Variants in PLAC1 observed in about 807,000 individuals in gnomAD.
The protein encoded by PLAC1 is placenta associated 1, also known as placenta-specific protein 1.
For missense variants in PLAC1, 136 were observed against 163.2 expected (o/e 0.83, Z 0.91); for synonymous variants, 68 against 62.1 (o/e 1.09, Z -0.44).
At chrX:134,605,273 C>T (rs988025162) in intron 1 of PLAC1, among the ~76,000 whole-genome samples, 108 of 111,579 alleles carry the variant, frequency 9.7e-4, no homozygotes, top group African/African-American at 3.3e-3. Flanking sequence ...GTTTCCACAC[C>T]GGTATTTTCA....
chrX:134,620,349 C>T (rs1193372161), intron 1 of PLAC1, among the ~76,000 whole-genome samples: 1 of 112,124 alleles, frequency 8.9e-6, no homozygotes, highest in Admixed American at 9.4e-5. Flanking sequence ...AACACCATTT[C>T]CCCCTGGCCT....
At chrX:134,692,153 G>T (rs987043067) in intron 2 of PLAC1, among the ~76,000 whole-genome samples, 17 of 111,683 alleles carry the variant, frequency 1.5e-4, no homozygotes, top group Admixed American at 1.5e-3. Context: ...GGTGTAATAG[G>T]CTCTTTCCAT....
chrX:134,597,679 G>T (rs2078068470), intron 2 of PLAC1, among the ~76,000 whole-genome samples: 1 of 111,903 alleles, frequency 8.9e-6, no homozygotes, highest in African/African-American at 3.2e-5. Flanking sequence ...TGCCAAATTG[G>T]GGTAGAAGTT....
chrX:134,669,572 C>G (rs1279869142), intron 2 of PLAC1, among the ~76,000 whole-genome samples: 1 of 112,207 alleles, frequency 8.9e-6, no homozygotes, highest in Admixed American at 9.4e-5. Flanking sequence ...AGACGGAATA[C>G]AGGAAGGCTT....
chrX:134,619,028 A>G (rs1312217972), intron 1 of PLAC1, among the ~76,000 whole-genome samples: 6 of 112,480 alleles, frequency 5.3e-5, no homozygotes, highest in Non-Finnish European at 1.1e-4. Context: ...ACTATGTCCC[A>G]TGGGTACCTA....
chrX:134,638,177 C>T (rs972788252), intron 1 of PLAC1, among the ~76,000 whole-genome samples: 1 of 112,177 alleles, frequency 8.9e-6, no homozygotes, highest in Admixed American at 9.5e-5. Flanking sequence ...GAGCAGTAGC[C>T]GTGTCATTGA....
intron 2 of PLAC1, among the ~76,000 whole-genome samples, chrX:134,691,527 G>A (rs999628325): frequency 1.6e-4 from 18 of 111,559 alleles, no homozygotes; most frequent in Non-Finnish European, 3.0e-4. Flanking sequence ...GGCATCAGAC[G>A]TGGCTGAGGC....
intron 2 of PLAC1, among the ~76,000 whole-genome samples, chrX:134,583,204 T>C (rs2077982778): frequency 9.1e-6 from 1 of 109,359 alleles, no homozygotes; most frequent in African/African-American, 3.3e-5. Context: ...CTCTCTCTTT[T>C]TAAAATGTCT....
At chrX:134,737,858 C>T (rs1442846022) in intron 1 of PLAC1, among the ~76,000 whole-genome samples, 1 of 112,441 alleles carries the variant, frequency 8.9e-6, no homozygotes, top group Non-Finnish European at 1.9e-5. Context: ...AGAGTTAATT[C>T]GCTGAAGGCA....
intron 2 of PLAC1, among the ~76,000 whole-genome samples, chrX:134,583,413 C>A (rs1410431903): frequency 1.3e-5 from 1 of 75,927 alleles, no homozygotes; most frequent in African/African-American, 4.9e-5. Flanking sequence ...TTTTGGCTTA[C>A]GTCTAAACCA....
chrX:134,669,309 G>A (rs776885932), intron 2 of PLAC1, among the ~76,000 whole-genome samples: 2 of 112,025 alleles, frequency 1.8e-5, no homozygotes, highest in South Asian at 7.5e-4. Context: ...AGAAAGCTTG[G>A]GTTCAAATCC....
intron 1 of PLAC1, among the ~76,000 whole-genome samples, chrX:134,612,208 C>T (rs1251538939): frequency 8.9e-6 from 1 of 111,802 alleles, no homozygotes; most frequent in Non-Finnish European, 1.9e-5. Flanking sequence ...AGTTCAAACC[C>T]CAGCTTTCCA....
chrX:134,733,888 A>G (rs1378664813), intron 1 of PLAC1, among the ~76,000 whole-genome samples: 1 of 105,441 alleles, frequency 9.5e-6, no homozygotes, highest in Non-Finnish European at 1.9e-5. Flanking sequence ...CTTCCCTTAG[A>G]AAAAAAAAGA....
intron 2 of PLAC1, among the ~76,000 whole-genome samples, chrX:134,670,990 T>C (rs1157354111): frequency 8.9e-6 from 1 of 111,970 alleles, no homozygotes; most frequent in Non-Finnish European, 1.9e-5. Flanking sequence ...CATAATGTGA[T>C]TGCCTTGCTT....
At chrX:134,709,646 C>T (rs954754071) in intron 2 of PLAC1, among the ~76,000 whole-genome samples, 3 of 110,729 alleles carry the variant, frequency 2.7e-5, no homozygotes, top group Non-Finnish European at 5.7e-5. Context: ...GATGGATAAA[C>T]AAATAGACCA....
At chrX:134,603,778 A>G (rs759180479) in intron 1 of PLAC1, among the ~76,000 whole-genome samples, 85 of 111,476 alleles carry the variant, frequency 7.6e-4, no homozygotes, top group African/African-American at 2.6e-3. Context: ...CCCTTTCTGG[A>G]CCTTGGTTTC....
chrX:134,590,596 G>A (rs1040632212), intron 2 of PLAC1, among the ~76,000 whole-genome samples: 1 of 111,642 alleles, frequency 9.0e-6, no homozygotes, highest in African/African-American at 3.3e-5. Context: ...TCGGGATCTG[G>A]CAAGGCCTCC....
rs1556199017 is a variant in PLAC1 at position 134,750,812 on chromosome X, A to ATAT, written n.89+13421_89+13422insATA. The stretch of plus-strand genomic sequence containing the variant: ...TCTCTAATAAAAATACAAAAAAAAA[A>ATAT]ATATATATATATATATATATATTTA... On this transcript the variant is annotated intron_variant and non_coding_transcript_variant, in intron 1 of 2. Coordinates refer to the PLAC1 transcript ENST00000466797. 2.9e-4 allele frequency among the ~76,000 whole-genome samples: 15 copies of ATAT among 52,006 alleles called. 2 individuals carry two copies. Among genetic ancestry groups the ATAT allele is most frequent in the Admixed American group, 5.9e-4 (2 of 3,400 alleles). 45.2% of individuals were successfully genotyped at this position (52,006 alleles called of 115,157 possible).
intron 2 of PLAC1, among the ~76,000 whole-genome samples, chrX:134,700,910 T>C (rs1435990760): frequency 8.9e-6 from 1 of 112,060 alleles, no homozygotes; most frequent in African/African-American, 3.2e-5. Context: ...ATTAACAATG[T>C]CATATTTCAC....
Sources: allele counts gnomAD v4.1 joint callset (sites outside exome capture counted in the v4.1 genomes callset), GRCh38; gene constraint gnomAD v4.1.1; transcripts MANE v1.5; gene names NCBI Gene and HGNC (gene_info 2026-07-23, HGNC 2026-07-21).